The following CAMK1D variants were observed in gnomAD, a reference collection of about 807,000 sequenced individuals.
CAMK1D encodes the protein calcium/calmodulin-dependent protein kinase type 1D.
A neutral mutation model predicts 47.7 loss-of-function variants in CAMK1D; 9 were observed. The observed-to-expected ratio is 0.19, with a 90% CI of 0.11 to 0.33. CAMK1D has a LOEUF of 0.33. Ranked by LOEUF, CAMK1D falls within the 10% of genes least tolerant of loss-of-function variation. CAMK1D has a pLI of 1.00. For missense variants in CAMK1D, 291 were observed against 488.7 expected (o/e 0.60, Z 3.81); for synonymous variants, 184 against 184.9 (o/e 0.99, Z 0.04).
At chr10:12,479,554 G>A (rs1183251791) in intron 1 of CAMK1D, among the ~76,000 whole-genome samples, 1 of 152,190 alleles carries the variant, frequency 6.6e-6, no homozygotes, top group Non-Finnish European at 1.5e-5. Context: ...GCTGCTGTGG[G>A]GACCATGCTT....
At chr10:12,372,344 G>A (rs1428639145) in intron 1 of CAMK1D, among the ~76,000 whole-genome samples, 4 of 152,198 alleles carry the variant, frequency 2.6e-5, no homozygotes, top group Non-Finnish European at 5.9e-5. Context: ...GGAAACTGAG[G>A]CCCAGAGTGG....
At chr10:12,382,985 C>T (rs139562056) in intron 1 of CAMK1D, among the ~76,000 whole-genome samples, 2 of 149,308 alleles carry the variant, frequency 1.3e-5, no homozygotes, top group East Asian at 3.9e-4. Context: ...AATAACTTGT[C>T]TGAGGAAGCA....
chr10:12,750,879 T>C (rs537150530), intron 3 of CAMK1D, among the ~76,000 whole-genome samples: 5 of 152,128 alleles, frequency 3.3e-5, no homozygotes, highest in Non-Finnish European at 4.4e-5. Flanking sequence ...GGCAAAACCA[T>C]GTCTCTACTA....
intron 3 of CAMK1D, among the ~76,000 whole-genome samples, chr10:12,714,694 G>C (rs1003806004): frequency 2.1e-4 from 32 of 151,512 alleles, no homozygotes; most frequent in Non-Finnish European, 4.4e-4. Context: ...ACTCCAGCCT[G>C]GGCAACAGAG....
chr10:12,599,457 C>T (rs1483544665), intron 2 of CAMK1D, among the ~76,000 whole-genome samples: 5 of 152,116 alleles, frequency 3.3e-5, no homozygotes, highest in Non-Finnish European at 5.9e-5. Flanking sequence ...CACCTGGCAT[C>T]AGAGAGTAGG....
At chr10:12,743,355 A>AAAAAAAAAAAAAAAAAAAAAAAAG (rs1461631779) in intron 3 of CAMK1D, among the ~76,000 whole-genome samples, 1 of 118,156 alleles carries the variant, frequency 8.5e-6, no homozygotes, top group African/African-American at 2.8e-5. Flanking sequence ...TCAAAAAAAA[A>AAAAAAAAAAAAAAAAAAAAAAAAG]AAAAGAAAAA....
At chr10:12,718,928 C>G (rs1834261766) in intron 3 of CAMK1D, among the ~76,000 whole-genome samples, 1 of 152,210 alleles carries the variant, frequency 6.6e-6, no homozygotes, top group South Asian at 2.1e-4. Flanking sequence ...TACTGCTCAT[C>G]TAACGAACAG....
intron 1 of CAMK1D, among the ~76,000 whole-genome samples, chr10:12,425,949 C>T (rs567936391): frequency 6.6e-6 from 1 of 152,310 alleles, no homozygotes; most frequent in African/African-American, 2.4e-5. Flanking sequence ...CTAAAAAATT[C>T]TCATCCTGCT....
intron 5 of CAMK1D, among the ~76,000 whole-genome samples, chr10:12,779,842 A>G (rs1837415261): frequency 6.6e-6 from 1 of 152,242 alleles, no homozygotes; most frequent in Non-Finnish European, 1.5e-5. Flanking sequence ...CTCAGAAATA[A>G]GAAGGAACAT....
intron 1 of CAMK1D, among the ~76,000 whole-genome samples, chr10:12,487,211 C>T (rs943774688): frequency 2.6e-5 from 4 of 152,132 alleles, no homozygotes; most frequent in Admixed American, 2.0e-4. Context: ...AGCTGTCCCT[C>T]GCATTATGTT....
At chr10:12,773,649 T>A (rs531434204) in intron 5 of CAMK1D, among the ~76,000 whole-genome samples, 11 of 152,274 alleles carry the variant, frequency 7.2e-5, no homozygotes, top group Admixed American at 2.0e-4. Context: ...TCCCAGCTCC[T>A]TGGGAGGCAG....
At chr10:12,755,847 T>C (rs975182145) in intron 3 of CAMK1D, among the ~76,000 whole-genome samples, 6 of 152,202 alleles carry the variant, frequency 3.9e-5, no homozygotes, top group Non-Finnish European at 8.8e-5. Flanking sequence ...CAAGAGTATC[T>C]TCCCCTTAGG....
chr10:12,394,431 C>T (rs1283762212), intron 1 of CAMK1D, among the ~76,000 whole-genome samples: 2 of 152,192 alleles, frequency 1.3e-5, no homozygotes, highest in Non-Finnish European at 2.9e-5. Context: ...TTCCAACCCT[C>T]TCTCATCACC....
At chr10:12,699,549 T>C (rs1394225148) in intron 3 of CAMK1D, among the ~76,000 whole-genome samples, 3 of 152,120 alleles carry the variant, frequency 2.0e-5, no homozygotes, top group Non-Finnish European at 4.4e-5. Context: ...CTTTAATTTT[T>C]CAGTCAGAAT....
chr10:12,724,933 TGAG>T (rs1481397609), intron 3 of CAMK1D, among the ~76,000 whole-genome samples: 1 of 151,868 alleles, frequency 6.6e-6, no homozygotes, highest in Non-Finnish European at 1.5e-5. Context: ...GTCTGCCACC[TGAG>T]ATGTTTGATG....
At chr10:12,804,524 G>T (rs1838628375) in intron 6 of CAMK1D, among the ~76,000 whole-genome samples, 1 of 152,106 alleles carries the variant, frequency 6.6e-6, no homozygotes, top group South Asian at 2.1e-4. Flanking sequence ...TGGGTTGGGA[G>T]AATCGCTTGA....
At chr10:12,382,402 C>T (rs1838370866) in intron 1 of CAMK1D, among the ~76,000 whole-genome samples, 1 of 151,798 alleles carries the variant, frequency 6.6e-6, no homozygotes, top group Non-Finnish European at 1.5e-5. Flanking sequence ...GTGAGCCTGA[C>T]GCATGTTTTG....
At chr10:12,702,494 G>C (rs1159028984) in intron 3 of CAMK1D, among the ~76,000 whole-genome samples, 2 of 152,202 alleles carry the variant, frequency 1.3e-5, no homozygotes, top group Non-Finnish European at 2.9e-5. Flanking sequence ...AAGGCACACT[G>C]AACAAACAAT....
rs528142009 is a variant in CAMK1D at position 12,756,644 on chromosome 10, C to T, written c.300-4304C>T. On this transcript the variant is annotated intron_variant, in intron 3 of 10. Transcript: ENST00000619168. ...AGGAAGATTAGAGACTGAACAAACA[C>T]AGCTGGGCACGGTGGCTCACACCTG... Among the ~76,000 whole-genome samples, 6 of 152,240 alleles carry T rather than the reference C, an allele frequency of 3.9e-5. No homozygotes were observed. In the South Asian group the frequency reaches 1.2e-3, roughly 32 times the overall value.
Sources: gnomAD v4.1 joint callset for allele counts (sites outside exome capture counted in the v4.1 genomes callset) on GRCh38, gnomAD v4.1.1 for gene constraint, MANE v1.5 for transcripts, NCBI Gene and HGNC (gene_info 2026-07-23, HGNC 2026-07-21) for gene names.